The following MED28 variants were observed in gnomAD, a reference collection of about 807,000 sequenced individuals.
MED28 encodes mediator of RNA polymerase II transcription subunit 28.
Under a neutral mutation model 21.3 loss-of-function variants are expected in MED28, and 26 were observed. The ratio of observed to expected loss-of-function variants is 1.22; its 90% CI spans 0.89 to 1.69. The LOEUF is 1.69. Ranked by LOEUF, MED28 falls within the 40% of genes most tolerant of loss-of-function variation. The pLI, the probability that MED28 is intolerant of heterozygous loss-of-function variation, is 0.00. For missense variants in MED28, 257 were observed against 215.4 expected (o/e 1.19, Z -1.21); for synonymous variants, 110 against 87.6 (o/e 1.26, Z -1.43).
rs1301969149 is a variant in MED28, at chr4:17,614,664, C to A, written c.10C>A (p.Pro4Thr). MAA[P>T]LGGMFSGQPP... The stretch of plus-strand genomic sequence containing the variant: ...TTGCGCCATTCCAAACATGGCGGCT[C>A]CACTAGGGGGTATGTTTTCTGGGCA... The change falls in exon 1 of 4, where the codon CCA becomes ACA. Residue 4 changes from proline (P) to threonine (T), a missense_variant. By Grantham distance (38) the Pro-to-Thr change is conservative. Coordinates refer to ENST00000237380, the MANE Select transcript of MED28 (RefSeq NM_025205.5). 12 of 1,611,284 alleles carry A rather than the reference C, an allele frequency of 7.4e-6. 2 individuals carry two copies. The South Asian group carries it at 1.3e-4, about 18-fold the overall frequency.
intron 1 of MED28, among the ~76,000 whole-genome samples, chr4:17,616,236 T>G (rs1480808391): frequency 1.3e-5 from 2 of 152,202 alleles, no homozygotes; most frequent in African/African-American, 4.8e-5. Flanking sequence ...ATTACAGGCG[T>G]GAGCCACTGC....
chr4:17,618,468 G>C (rs888786074), intron 1 of MED28, among the ~76,000 whole-genome samples: 4 of 152,016 alleles, frequency 2.6e-5, no homozygotes, highest in African/African-American at 9.7e-5. Context: ...AGTAGCCATA[G>C]GTCTCACAAA....
At chr4:17,621,245 C>G (rs1229206751) in intron 2 of MED28, among the ~76,000 whole-genome samples, 1 of 152,124 alleles carries the variant, frequency 6.6e-6, no homozygotes, top group East Asian at 1.9e-4. Context: ...ATCTCCTAAC[C>G]TCATGATTCG....
rs1714759367 is a variant in MED28, at chr4:17,625,771, C to T, written c.*1973C>T. ...CCCCTAGAAACCTGTGGAATGCCCT[C>T]TGCCAAGCACTGCTCTGGTACTGGG... On this transcript the variant is annotated 3_prime_UTR_variant, in exon 4 of 4. Coordinates refer to ENST00000237380, the MANE Select transcript of MED28 (RefSeq NM_025205.5). The T allele has an allele frequency of 2.4e-6, 1 of 409,888 alleles. No individual in the cohort carries two copies. The highest frequency in any genetic ancestry group is 4.8e-6 in the Non-Finnish European group (1 of 209,670). The allele number at this position is 409,888 out of a possible 1,614,324, so 25.4% of individuals were successfully genotyped here.
In MED28 at chr4:17,623,920, T is replaced by C; in HGVS notation, c.*122T>C. 2 of 1,119,760 alleles carry C rather than the reference T, an allele frequency of 1.8e-6. No homozygotes were observed. The highest frequency in any genetic ancestry group is 1.6e-5 in the South Asian group (1 of 62,720). The allele number at this position is 1,119,760 out of a possible 1,614,324, so 69.4% of individuals were successfully genotyped here. ...CCAGATAATGAGTTCATTTTAGTTT[T>C]ATGCTCCCATTGAAAAATTTTCCAC... On this transcript the variant is annotated 3_prime_UTR_variant, in exon 4 of 4. Coordinates refer to ENST00000237380, the MANE Select transcript of MED28 (RefSeq NM_025205.5).
intron 3 of MED28, among the ~76,000 whole-genome samples, chr4:17,623,388 G>C (rs1328154123): frequency 9.1e-6 from 1 of 110,456 alleles, no homozygotes; most frequent in African/African-American, 3.7e-5. Context: ...GTGACAGCAA[G>C]ACTTCGTCTC....
Position 17,633,916 on chromosome 4 carries a change from C to G in MED28, c.*10118C>G, listed in dbSNP as rs1339240621. ...GTTTGTATTAATGGACAGGTTAGTG[C>G]AATGCAATGCAAAAAACAAAATAAA... On this transcript the variant is annotated 3_prime_UTR_variant, in exon 4 of 4. Coordinates refer to ENST00000237380, the MANE Select transcript of MED28 (RefSeq NM_025205.5). 2 of 1,358,680 alleles carry G rather than the reference C, an allele frequency of 1.5e-6. No individual in the cohort carries two copies. The highest frequency in any genetic ancestry group is 3.3e-5 in the South Asian group (2 of 61,532). 84.2% of individuals were successfully genotyped at this position (1,358,680 alleles called of 1,614,324 possible).
intron 2 of MED28, among the ~76,000 whole-genome samples, chr4:17,621,007 C>G (rs1489873752): frequency 6.9e-6 from 1 of 145,040 alleles, no homozygotes; most frequent in Non-Finnish European, 1.5e-5. Context: ...CACGCTTGGC[C>G]TCTGCCTTGT....
chr4:17,616,981 A>G (rs544924112), intron 1 of MED28, among the ~76,000 whole-genome samples: 1 of 152,356 alleles, frequency 6.6e-6, no homozygotes, highest in South Asian at 2.1e-4. Flanking sequence ...CCCTGCCTTC[A>G]GGAAGCTTGT....
chr4:17,618,400 C>G (rs1431346326), intron 1 of MED28, among the ~76,000 whole-genome samples: 1 of 152,132 alleles, frequency 6.6e-6, no homozygotes, highest in Non-Finnish European at 1.5e-5. Flanking sequence ...CTCAGGGGAG[C>G]TGGCCCAACT....
In MED28 at chr4:17,625,814, T is replaced by C; in HGVS notation, c.*2016T>C. The C allele has an allele frequency of 3.0e-6, 1 of 333,830 alleles. No homozygotes were observed. Among genetic ancestry groups the C allele is most frequent in the South Asian group, 2.3e-5 (1 of 42,692 alleles). 20.7% of individuals were successfully genotyped at this position (333,830 alleles called of 1,614,324 possible). A position where few individuals can be genotyped will look rare whatever the true frequency, so the allele number is the denominator to read the frequency against. On this transcript the variant is annotated 3_prime_UTR_variant, in exon 4 of 4. Transcript: ENST00000237380. ...GTACTGGGGAGTGGAGTATTATGTC[T>C]TGGAAGAGACTCCTGCTGTGATTGT...
chr4:17,618,278 C>T (rs1327234270), intron 1 of MED28, among the ~76,000 whole-genome samples: 1 of 152,076 alleles, frequency 6.6e-6, no homozygotes, highest in African/African-American at 2.4e-5. Context: ...AAAATTGTTG[C>T]TTACAGGCGT....
chr4:17,632,553 G>C lies in MED28; in HGVS notation c.*8755G>C, dbSNP rs1714987353. ...TAGCTTAGAAAGAAAAGTACTTGGT[G>C]AACCATTCCTGGTGCGGAGAGCCCT... On this transcript the variant is annotated 3_prime_UTR_variant, in exon 4 of 4. Transcript: ENST00000237380. 3 of 1,551,282 alleles carry C rather than the reference G, an allele frequency of 1.9e-6. No homozygotes were observed. The highest frequency in any genetic ancestry group is 2.7e-5 in the African/African-American group (2 of 73,162).
chr4:17,623,398 CAAA>C (rs397880373), intron 3 of MED28, among the ~76,000 whole-genome samples, 200 bp from the exon 4 acceptor site: 23 of 113,276 alleles, frequency 2.0e-4, no homozygotes, highest in Non-Finnish European at 3.6e-4. Flanking sequence ...GACTTCGTCT[CAAA>C]AAAAAAAAAA....
At position 17,623,451 on chromosome 4, in the gene MED28, G is replaced by A. The variant is rs1477150711; in HGVS notation, c.340-150G>A. 5.6e-6 allele frequency: 4 copies of A among 719,004 alleles called. No individual in the cohort carries two copies. The South Asian group carries it at 5.6e-5, about 10-fold the overall frequency. The allele number at this position is 719,004 out of a possible 1,614,324, so 44.5% of individuals were successfully genotyped here. ...ACTTATGTTAGAATCTGTCATCTGG[G>A]TTAATCAAATAGTGGAGCCAAGCAG... On this transcript the variant is annotated intron_variant, in intron 3 of 3. Coordinates refer to ENST00000237380, the MANE Select transcript of MED28 (RefSeq NM_025205.5).
rs1477170473 is a variant in MED28 at position 17,624,299 on chromosome 4, A to G, written c.*501A>G. 1 of 161,180 alleles carries G rather than the reference A, an allele frequency of 6.2e-6. No individual in the cohort carries two copies. The highest frequency in any genetic ancestry group is 1.4e-5 in the Non-Finnish European group (1 of 72,674). 10.0% of individuals were successfully genotyped at this position (161,180 alleles called of 1,614,324 possible). On this transcript the variant is annotated 3_prime_UTR_variant, in exon 4 of 4. Transcript: ENST00000237380. Reference sequence around the variant, plus strand: ...ACCTCAAGAAGAGGAATCTAATACAATATTTGTAATGTTTCCAGAGCTCTC... The same window carrying G: ...ACCTCAAGAAGAGGAATCTAATACAGTATTTGTAATGTTTCCAGAGCTCTC...
At position 17,625,751 on chromosome 4, in the gene MED28, A is replaced by G; in HGVS notation, c.*1953A>G. On this transcript the variant is annotated 3_prime_UTR_variant, in exon 4 of 4. Transcript: ENST00000237380. Reference sequence around the variant, plus strand: ...ACAAGCCATCTTCTCAAGTTCCCCTAGAAACCTGTGGAATGCCCTCTGCCA... The same window carrying G: ...ACAAGCCATCTTCTCAAGTTCCCCTGGAAACCTGTGGAATGCCCTCTGCCA... 2.3e-6 allele frequency: 1 copy of G among 428,042 alleles called. No individual in the cohort carries two copies. The highest frequency in any genetic ancestry group is 1.7e-5 in the South Asian group (1 of 59,932). 26.5% of individuals were successfully genotyped at this position (428,042 alleles called of 1,614,324 possible). A position where few individuals can be genotyped will look rare whatever the true frequency, so the allele number is the denominator to read the frequency against.
At position 17,624,268 on chromosome 4, in the gene MED28, T is replaced by G. The variant is rs1463233710; in HGVS notation, c.*470T>G. On this transcript the variant is annotated 3_prime_UTR_variant, in exon 4 of 4. Transcript: ENST00000237380. ...GTAAATTTGCTCTGTTTTAAGACTT[T>G]GAACTACCTCAAGAAGAGGAATCTA... 6.0e-6 allele frequency: 1 copy of G among 166,398 alleles called. No individual in the cohort carries two copies. Among genetic ancestry groups the G allele is most frequent in the Non-Finnish European group, 1.3e-5 (1 of 75,262 alleles). 10.3% of individuals were successfully genotyped at this position (166,398 alleles called of 1,614,324 possible).
chr4:17,622,056 C>T (rs1421586305), intron 3 of MED28, among the ~76,000 whole-genome samples: 3 of 152,198 alleles, frequency 2.0e-5, no homozygotes, highest in Non-Finnish European at 4.4e-5. Context: ...ACTTGCCTTA[C>T]CCAGTGCCTT....
Sources: allele counts gnomAD v4.1 joint callset (sites outside exome capture counted in the v4.1 genomes callset), GRCh38; gene constraint gnomAD v4.1.1; transcripts MANE v1.5; gene names NCBI Gene and HGNC (gene_info 2026-07-23, HGNC 2026-07-21).